The following TNPO3 variants were observed in gnomAD, a reference collection of about 807,000 sequenced individuals.
TNPO3 encodes transportin 3.
In TNPO3, 65 loss-of-function variants were observed where a neutral mutation model predicts 122.8. That is an observed-to-expected ratio of 0.53 (90% CI 0.43 to 0.65). The LOEUF (loss-of-function observed/expected upper bound fraction) is 0.65. Among genes scored for constraint, TNPO3 ranks in the 30% least tolerant of loss-of-function variants. The probability of loss-of-function intolerance (pLI) is 0.00; values close to 1 mark genes in which losing one functional copy is unlikely to be tolerated. For synonymous variants in TNPO3, 372 were observed against 411.2 expected, an observed-to-expected ratio of 0.90 and a Z score of 1.15; for missense variants, 850 against 1,136.7, an observed-to-expected ratio of 0.75 and a Z score of 3.63.
intron 9 of TNPO3, among the ~76,000 whole-genome samples, chr7:128,992,938 G>C (rs181398283): frequency 6.6e-6 from 1 of 152,238 alleles, no homozygotes; most frequent in Non-Finnish European, 1.5e-5. Context: ...GAGCTAAAGA[G>C]AGATGAGCTG....
chr7:128,971,000 AGTCT>A (rs916170873), intron 19 of TNPO3: 2 of 152,022 alleles, frequency 1.3e-5, no homozygotes, highest in African/African-American at 4.8e-5. Flanking sequence ...TGGCCACTAC[AGTCT>A]GTCTGGGTAA....
In TNPO3 at chr7:128,975,952, C is replaced by A; in HGVS notation, c.2062-17G>T. 1 of 1,522,656 alleles carries A rather than the reference C, an allele frequency of 6.6e-7. No individual in the cohort carries two copies. The highest frequency in any genetic ancestry group is 9.1e-7 in the Non-Finnish European group (1 of 1,097,120). The allele number at this position is 1,522,656 out of a possible 1,614,324, so 94.3% of individuals were successfully genotyped here. On this transcript the variant is annotated splice_polypyrimidine_tract_variant and intron_variant, in intron 16 of 22. Transcript: ENST00000265388. ...ATTCACCATCTGTTGAGGGAAAAAA[C>A]AATTAGTTCAATGCTTCGTCCTTCA...
At chr7:129,025,918 G>C (rs958854073) in intron 1 of TNPO3, among the ~76,000 whole-genome samples, 5 of 152,222 alleles carry the variant, frequency 3.3e-5, no homozygotes, top group Non-Finnish European at 4.4e-5. Context: ...CTGAGGTCAG[G>C]AGTTCTAGAC....
At chr7:129,003,492 C>T (rs1293762162) in intron 5 of TNPO3, among the ~76,000 whole-genome samples, 1 of 151,100 alleles carries the variant, frequency 6.6e-6, no homozygotes, top group East Asian at 2.0e-4. Context: ...TAAAGAGAAA[C>T]CCTGTCTCTA....
intron 1 of TNPO3, among the ~76,000 whole-genome samples, chr7:129,025,875 CA>C (rs1805089001): frequency 6.6e-6 from 1 of 152,092 alleles, no homozygotes; most frequent in Non-Finnish European, 1.5e-5. Flanking sequence ...CCTATAATCC[CA>C]GCACTTTGGG....
chr7:129,002,868 A>G (rs1327936158), intron 5 of TNPO3, among the ~76,000 whole-genome samples: 1 of 151,736 alleles, frequency 6.6e-6, no homozygotes, highest in Non-Finnish European at 1.5e-5. Context: ...GTGAAACCCC[A>G]TCTCTACTAA....
intron 1 of TNPO3, among the ~76,000 whole-genome samples, chr7:129,032,287 A>T (rs1012248201): frequency 6.6e-5 from 10 of 152,328 alleles, no homozygotes; most frequent in African/African-American, 2.2e-4. Flanking sequence ...AAACTGTAAG[A>T]TCAGGAACAA....
intron 11 of TNPO3, 29 bp from the exon 12 acceptor site, chr7:128,986,949 A>G: frequency 1.0e-5 from 16 of 1,559,696 alleles, no homozygotes; most frequent in Non-Finnish European, 1.4e-5. Context: ...CAGAGATTAC[A>G]TATCTGAAAC....
chr7:129,044,827 C>T (rs1219747643), intron 1 of TNPO3, among the ~76,000 whole-genome samples: 1 of 152,132 alleles, frequency 6.6e-6, no homozygotes, highest in African/African-American at 2.4e-5. Flanking sequence ...TATAGAATTA[C>T]CATATGATAC....
At chr7:128,967,449 A>G in intron 20 of TNPO3, 57 bp from the exon 21 acceptor site, 1 of 1,160,042 alleles carries the variant, frequency 8.6e-7, no homozygotes, top group Non-Finnish European at 1.3e-6. Flanking sequence ...CTCACCTGAG[A>G]CCCTACAGAT....
chr7:128,974,297 T>C lies in TNPO3; in HGVS notation c.2273+571A>G, dbSNP rs377349122. Among the ~76,000 whole-genome samples, 4 of 151,314 alleles carry C rather than the reference T, an allele frequency of 2.6e-5. No individual in the cohort carries two copies. In the East Asian group the frequency reaches 7.9e-4, roughly 30 times the overall value. ...TCGAAAATAATGATTTTTCTTTTTT[T>C]TTTTTTTTTAATGCTGATATGGTAA... On this transcript the variant is annotated intron_variant, in intron 18 of 22. Coordinates refer to ENST00000265388, the MANE Select transcript of TNPO3 (RefSeq NM_012470.4).
chr7:128,974,290 CTT>C (rs200157873), intron 18 of TNPO3, among the ~76,000 whole-genome samples: 1,824 of 128,138 alleles, frequency 0.014, 31 homozygotes, highest in African/African-American at 0.048. Flanking sequence ...AATGATTTTT[CTT>C]TTTTTTTTTT....
At position 128,994,932 on chromosome 7, in the gene TNPO3, A is replaced by G. The variant is rs372461324; in HGVS notation, c.1159-1018T>C. Among the ~76,000 whole-genome samples, 257 of 152,286 alleles carry G rather than the reference A, an allele frequency of 1.7e-3. 3 individuals are homozygous for G. Among genetic ancestry groups the G allele is most frequent in the African/African-American group, 5.7e-3 (235 of 41,562 alleles). ...CTTGCCCTCCCAAAGTTCCGGGATTATAGGCATGAGCCACGTGCCTGGCCT... is the reference window on the plus strand; with the variant it reads ...CTTGCCCTCCCAAAGTTCCGGGATTGTAGGCATGAGCCACGTGCCTGGCCT... On this transcript the variant is annotated intron_variant, in intron 8 of 22. Transcript: ENST00000265388.
rs550339514 is a variant in TNPO3 at position 129,004,909 on chromosome 7, C to T, written c.696+107G>A. ...GGAACATTGCTGCATTCTTAATACA[C>T]GCCTTCCAGTTACTGTGCAAAAATT... On this transcript the variant is annotated intron_variant, in intron 5 of 22. Transcript: ENST00000265388. 6.1e-5 allele frequency: 63 copies of T among 1,036,874 alleles called. No individual in the cohort carries two copies. In the South Asian group the frequency reaches 6.7e-4, roughly 11 times the overall value. 64.2% of individuals were successfully genotyped at this position (1,036,874 alleles called of 1,614,324 possible).
intron 1 of TNPO3, among the ~76,000 whole-genome samples, chr7:129,031,383 C>T (rs1006646168): frequency 6.6e-6 from 1 of 151,954 alleles, no homozygotes; most frequent in African/African-American, 2.4e-5. Flanking sequence ...ACCAATTTTA[C>T]AGAAATAAAA....
chr7:129,053,420 G>C (rs1809040231), intron 1 of TNPO3, among the ~76,000 whole-genome samples: 1 of 151,106 alleles, frequency 6.6e-6, no homozygotes, highest in African/African-American at 2.4e-5. Context: ...TCTTGAACCC[G>C]GGAGGAGGAG....
chr7:128,979,499 G>A (rs1368886076), intron 15 of TNPO3, among the ~76,000 whole-genome samples: 2 of 152,202 alleles, frequency 1.3e-5, no homozygotes, highest in Non-Finnish European at 2.9e-5. Flanking sequence ...TAGAGTTAAG[G>A]AAATGGCATC....
At chr7:129,050,520 C>T (rs1808627036) in intron 1 of TNPO3, among the ~76,000 whole-genome samples, 1 of 152,006 alleles carries the variant, frequency 6.6e-6, no homozygotes, top group African/African-American at 2.4e-5. Flanking sequence ...TCCTCTCTGA[C>T]TCTGAGCAAC....
intron 21 of TNPO3, among the ~76,000 whole-genome samples, chr7:128,966,224 T>C (rs1171198865): frequency 6.6e-6 from 1 of 152,238 alleles, no homozygotes; most frequent in Non-Finnish European, 1.5e-5. Context: ...TGTTCATCTT[T>C]GGGACTATTT....
Sources: gnomAD v4.1 joint callset for allele counts (sites outside exome capture counted in the v4.1 genomes callset) on GRCh38, gnomAD v4.1.1 for gene constraint, MANE v1.5 for transcripts, NCBI Gene and HGNC (gene_info 2026-07-23, HGNC 2026-07-21) for gene names.